The following TNKS variants were observed in gnomAD, a reference collection of about 807,000 sequenced individuals.
TNKS encodes tankyrase, also known as poly [ADP-ribose] polymerase tankyrase-1.
In TNKS, 72 loss-of-function variants were observed where a neutral mutation model predicts 135.8. That is an observed-to-expected ratio of 0.53 (90% CI 0.44 to 0.64). TNKS has a LOEUF of 0.64. TNKS is among the 30% of genes least tolerant of loss of function. TNKS has a pLI of 0.00. For synonymous variants in TNKS, 849 were observed against 649.3 expected (o/e 1.31, Z -4.68); for missense variants, 1,769 against 1,674.0 (o/e 1.06, Z -0.99).
At position 9,686,438 on chromosome 8, in the gene TNKS, C is replaced by T. The variant is rs1344484103; in HGVS notation, c.1107+5638C>T. On this transcript the variant is annotated intron_variant, in intron 5 of 26. Coordinates refer to ENST00000310430, the MANE Select transcript of TNKS (RefSeq NM_003747.3). ...TACCACATAGAGCTGAAGACCTGCC[C>T]AGGTAATTCACTGCTGTTGGGGTGG... Among the ~76,000 whole-genome samples the T allele has an allele frequency of 5.9e-5, 9 of 152,252 alleles. No homozygotes were observed. The South Asian group carries it at 1.0e-3, about 18-fold the overall frequency.
chr8:9,594,405 G>A (rs1389617292), intron 2 of TNKS, among the ~76,000 whole-genome samples: 1 of 152,102 alleles, frequency 6.6e-6, no homozygotes, highest in African/African-American at 2.4e-5. Context: ...TAAAAATTTA[G>A]TTTCTCAGTT....
At chr8:9,559,414 A>T (rs1291662310) in intron 1 of TNKS, among the ~76,000 whole-genome samples, 2 of 152,194 alleles carry the variant, frequency 1.3e-5, no homozygotes, top group African/African-American at 4.8e-5. Context: ...ATGAGTTTAC[A>T]GTTCTATAGA....
chr8:9,693,357 A>T (rs1803366761), intron 5 of TNKS, among the ~76,000 whole-genome samples: 1 of 130,206 alleles, frequency 7.7e-6, no homozygotes, highest in Non-Finnish European at 1.7e-5. Context: ...AAGAACTCAG[A>T]GAGAAAACAA....
chr8:9,634,993 G>A lies in TNKS; in HGVS notation c.994+19316G>A, dbSNP rs376020100. Among the ~76,000 whole-genome samples the A allele has an allele frequency of 5.3e-5, 8 of 151,120 alleles. No individual in the cohort carries two copies. The East Asian group carries it at 5.9e-4, about 11-fold the overall frequency. On this transcript the variant is annotated intron_variant, in intron 3 of 26. Coordinates refer to ENST00000310430, the MANE Select transcript of TNKS (RefSeq NM_003747.3). ...GAGATCGAGACCACGGTGAAACCCC[G>A]TCTCTACTAAAAATACAAAAAAAAA... is the stretch of plus-strand genomic sequence containing the variant.
At chr8:9,673,657 G>C (rs867526634) in intron 3 of TNKS, among the ~76,000 whole-genome samples, 18 of 152,048 alleles carry the variant, frequency 1.2e-4, no homozygotes, top group African/African-American at 3.6e-4. Flanking sequence ...TCTTGACCAG[G>C]CTGGTATTGA....
At position 9,751,686 on chromosome 8, in the gene TNKS, T is replaced by A. The variant is rs201271096; in HGVS notation, c.2910T>A (p.Thr970=). 4 of 1,614,200 alleles carry A rather than the reference T, an allele frequency of 2.5e-6. No homozygotes were observed. The East Asian group carries it at 8.9e-5, about 36-fold the overall frequency. The change falls in exon 19 of 27, where the codon ACT becomes ACA. Residue 970 remains threonine, a synonymous_variant. Coordinates refer to ENST00000310430, the MANE Select transcript of TNKS (RefSeq NM_003747.3). ...ALPTCFKPQA[T]VVSASLISPA... is the part of the protein sequence containing the mutation. ...CTACCTGTTTTAAACCTCAGGCTAC[T>A]GTAGTGAGTGCCTCTCTGATCTCAC... is the stretch of plus-strand genomic sequence containing the variant.
chr8:9,580,058 T>TAACA, intron 1 of TNKS, 101 bp from the exon 2 acceptor site: 2 of 918,786 alleles, frequency 2.2e-6, no homozygotes, highest in Admixed American at 3.9e-5. Context: ...TAGAGTGCAG[T>TAACA]ACTTCAGTTG....
intron 5 of TNKS, among the ~76,000 whole-genome samples, chr8:9,682,922 A>C (rs1250382432): frequency 6.6e-6 from 1 of 152,026 alleles, no homozygotes. Context: ...TATTGTACCA[A>C]AAGATTCCTA....
At chr8:9,693,646 C>T (rs1455944841) in intron 5 of TNKS, among the ~76,000 whole-genome samples, 1 of 151,874 alleles carries the variant, frequency 6.6e-6, no homozygotes, top group East Asian at 1.9e-4. Flanking sequence ...TTTGTGAAGC[C>T]AGACCTGGAC....
intron 3 of TNKS, chr8:9,670,782 G>C (rs1440922073): frequency 6.6e-6 from 1 of 152,142 alleles, no homozygotes; most frequent in Non-Finnish European, 1.5e-5. Context: ...ACAAAGCCTT[G>C]CTATGATGTA....
chr8:9,775,762 A>G (rs1808197085), intron 26 of TNKS, among the ~76,000 whole-genome samples: 1 of 151,982 alleles, frequency 6.6e-6, no homozygotes, highest in Non-Finnish European at 1.5e-5. Context: ...GTTGGTCAGC[A>G]TTGAACAAAC....
intron 2 of TNKS, among the ~76,000 whole-genome samples, chr8:9,584,796 A>G (rs1798305011): frequency 6.6e-6 from 1 of 152,198 alleles, no homozygotes; most frequent in Non-Finnish European, 1.5e-5. Flanking sequence ...AAGGAGACAG[A>G]GTATGTTCCC....
intron 1 of TNKS, among the ~76,000 whole-genome samples, chr8:9,569,284 C>G (rs962177968): frequency 6.6e-6 from 1 of 152,224 alleles, no homozygotes; most frequent in African/African-American, 2.4e-5. Context: ...ATAGCACACA[C>G]ACATCATAAG....
At chr8:9,757,090 C>G (rs1244331692) in intron 20 of TNKS, among the ~76,000 whole-genome samples, 2 of 152,184 alleles carry the variant, frequency 1.3e-5, no homozygotes, top group Admixed American at 6.5e-5. Context: ...GATTCTCTTG[C>G]CTCAGCCTCC....
chr8:9,743,554 G>A (rs1443409049), intron 17 of TNKS: 3 of 152,130 alleles, frequency 2.0e-5, no homozygotes, highest in African/African-American at 7.2e-5. Flanking sequence ...ACTAATGTAA[G>A]GCATTATAAA....
At chr8:9,717,713 CTTCTCT>C (rs1804679747) in intron 11 of TNKS, among the ~76,000 whole-genome samples, 1 of 152,076 alleles carries the variant, frequency 6.6e-6, no homozygotes. Context: ...GATCAAGATC[CTTCTCT>C]TAAGGAACTT....
At chr8:9,611,966 T>C (rs1002827289) in intron 2 of TNKS, among the ~76,000 whole-genome samples, 1 of 152,254 alleles carries the variant, frequency 6.6e-6, no homozygotes, top group African/African-American at 2.4e-5. Context: ...GAGATTCTAT[T>C]TGAAGCAGCT....
chr8:9,561,755 G>A lies in TNKS; in HGVS notation c.673+5143G>A, dbSNP rs538134544. Among the ~76,000 whole-genome samples, 7 of 152,134 alleles carry A rather than the reference G, an allele frequency of 4.6e-5. No homozygotes were observed. The South Asian group carries it at 6.2e-4, about 14-fold the overall frequency. Reference sequence around the variant, plus strand: ...TGGGTCTTAGGGTAGGTAAATGTCCGGTTTTATAAGAAACTGCCAACACCT... The same window carrying A: ...TGGGTCTTAGGGTAGGTAAATGTCCAGTTTTATAAGAAACTGCCAACACCT... On this transcript the variant is annotated intron_variant, in intron 1 of 26. Transcript: ENST00000310430.
At chr8:9,772,746 A>C (rs1229242371) in intron 26 of TNKS, among the ~76,000 whole-genome samples, 1 of 151,702 alleles carries the variant, frequency 6.6e-6, no homozygotes, top group Non-Finnish European at 1.5e-5. Context: ...ATATTTAGGG[A>C]TAAAGGACCA....
Sources: allele counts gnomAD v4.1 joint callset (sites outside exome capture counted in the v4.1 genomes callset), GRCh38; gene constraint gnomAD v4.1.1; transcripts MANE v1.5; gene names NCBI Gene and HGNC (gene_info 2026-07-23, HGNC 2026-07-21).